The following RADIL variants were observed in gnomAD, a reference collection of about 807,000 sequenced individuals.
The protein encoded by RADIL is ras-associating and dilute domain-containing protein.
A neutral mutation model predicts 97.6 loss-of-function variants in RADIL; 99 were observed. That is an observed-to-expected ratio of 1.01 (90% CI 0.86 to 1.20). RADIL has a LOEUF of 1.20. Ranked by LOEUF, RADIL falls within the 50% of genes most tolerant of loss-of-function variation. RADIL has a pLI of 0.00. For missense variants in RADIL, 1,765 were observed against 1,498.9 expected, an observed-to-expected ratio of 1.18 and a Z score of -2.93; for synonymous variants, 803 against 691.8, an observed-to-expected ratio of 1.16 and a Z score of -2.52.
chr7:4,860,455 A>C, intron 2 of RADIL: 1 of 1,614,204 alleles, frequency 6.2e-7, no homozygotes, highest in South Asian at 1.1e-5. Flanking sequence ...CAATGCTGAG[A>C]ATTTCAGAAT....
chr7:4,832,234 C>G, intron 4 of RADIL, 56 bp from the exon 5 acceptor site: 1 of 1,533,370 alleles, frequency 6.5e-7, no homozygotes, highest in Non-Finnish European at 8.8e-7. Flanking sequence ...AACACAGGGA[C>G]GCGTTCAAAT....
chr7:4,833,953 G>A (rs997225140), intron 4 of RADIL, among the ~76,000 whole-genome samples: 13 of 152,258 alleles, frequency 8.5e-5, no homozygotes, highest in Admixed American at 3.9e-4. Context: ...GAGGGTGACC[G>A]GCATCTAGGG....
At position 4,817,108 on chromosome 7, in the gene RADIL, T is replaced by A; in HGVS notation, c.1728+131A>T. On this transcript the variant is annotated intron_variant, in intron 7 of 14. Transcript: ENST00000399583. The surrounding 1 kb of genome is among the most constrained non-coding windows in gnomAD (Gnocchi z 8.3). ...AGAACCTGCAGCCACTGCTCCCTGA[T>A]GAAGTGGAGCTTGTCACGGTCCCCT... is the stretch of plus-strand genomic sequence containing the variant. The A allele has an allele frequency of 1.4e-6, 1 of 735,918 alleles. No homozygotes were observed. The highest frequency in any genetic ancestry group is 1.8e-5 in the South Asian group (1 of 55,880). The allele number at this position is 735,918 out of a possible 1,614,324, so 45.6% of individuals were successfully genotyped here.
rs1172782606 is a variant in RADIL at position 4,817,548 on chromosome 7, G to A, written c.1616-197C>T. 6.6e-6 allele frequency among the ~76,000 whole-genome samples: 1 copy of A among 152,122 alleles called. No homozygotes were observed. The highest frequency in any genetic ancestry group is 1.5e-5 in the Non-Finnish European group (1 of 68,016). ...AGCAAACCTGCCGCCACTCTTACCTGGGGAGGGGAATGCCGGGAGGGGCAG... is the reference window on the plus strand; with the variant it reads ...AGCAAACCTGCCGCCACTCTTACCTAGGGAGGGGAATGCCGGGAGGGGCAG... On this transcript the variant is annotated intron_variant, in intron 6 of 14. Transcript: ENST00000399583. This position sits in a 1 kb window ranked among gnomAD's most constrained non-coding sequence, Gnocchi z 8.3.
chr7:4,874,140 C>T (rs1307429168), intron 2 of RADIL, among the ~76,000 whole-genome samples: 1 of 152,244 alleles, frequency 6.6e-6, no homozygotes, highest in Admixed American at 6.5e-5. Context: ...GCCTCCAACC[C>T]ACGGAAAGGC....
chr7:4,863,049 C>T (rs1231299838), intron 2 of RADIL, among the ~76,000 whole-genome samples: 1 of 152,166 alleles, frequency 6.6e-6, no homozygotes, highest in East Asian at 1.9e-4. Flanking sequence ...CCACTTGTCT[C>T]CTGATTCTCT....
chr7:4,832,072 TCC>T, intron 5 of RADIL, 67 bp downstream of exon 5: 1 of 1,553,744 alleles, frequency 6.4e-7, no homozygotes, highest in Non-Finnish European at 8.8e-7. Flanking sequence ...GGGACTTGGC[TCC>T]CCCGGGAAGT....
chr7:4,878,170 GGGCTTCA>G lies in RADIL; in HGVS notation c.-38_-32del. 4.0e-6 allele frequency: 6 copies of G among 1,497,000 alleles called. No homozygotes were observed. Among genetic ancestry groups the G allele is most frequent in the Non-Finnish European group, 5.3e-6 (6 of 1,123,670 alleles). 92.7% of individuals were successfully genotyped at this position (1,497,000 alleles called of 1,614,324 possible). Reference sequence around the variant, plus strand: ...GTGAGGCTTCATGGATGAGGACTGTGGGCTTCAGCCAAAGGATGTGGGGAGGCCGTGA... The same window carrying G: ...GTGAGGCTTCATGGATGAGGACTGTGGCCAAAGGATGTGGGGAGGCCGTGA... On this transcript the variant is annotated 5_prime_UTR_variant, in exon 2 of 15. Coordinates refer to ENST00000399583, the MANE Select transcript of RADIL (RefSeq NM_018059.5). This position sits in a 1 kb window ranked among gnomAD's most constrained non-coding sequence, Gnocchi z 4.1.
At position 4,855,596 on chromosome 7, in the gene RADIL, C is replaced by T. The variant is rs1012801705; in HGVS notation, c.536-18991G>A. Reference sequence around the variant, plus strand: ...GCTCCTCATCCTCACCATACCTAGACACTGTTAGACTTTTTTATTTTTGTA... The same window carrying T: ...GCTCCTCATCCTCACCATACCTAGATACTGTTAGACTTTTTTATTTTTGTA... On this transcript the variant is annotated intron_variant, in intron 2 of 14. Transcript: ENST00000399583. 2.3e-5 allele frequency among the ~76,000 whole-genome samples: 3 copies of T among 130,250 alleles called. No homozygotes were observed. The Admixed American group carries it at 2.8e-4, about 12-fold the overall frequency. The allele number at this position is 130,250 out of a possible 152,430, so 85.4% of individuals were successfully genotyped here.
In RADIL at chr7:4,880,596, G is replaced by A. The variant is rs984316417; in HGVS notation, c.-64-2393C>T. Among the ~76,000 whole-genome samples, 1 of 152,194 alleles carries A rather than the reference G, an allele frequency of 6.6e-6. No individual in the cohort carries two copies. Among genetic ancestry groups the A allele is most frequent in the Non-Finnish European group, 1.5e-5 (1 of 68,042 alleles). On this transcript the variant is annotated intron_variant, in intron 1 of 14. Transcript: ENST00000399583. This position sits in a 1 kb window ranked among gnomAD's most constrained non-coding sequence, Gnocchi z 4.5. ...GATGCCCCAGGCTTAGAAGCCTCCA[G>A]GCAGCACACACTGGCAGAGGGTCGG...
At position 4,806,201 on chromosome 7, in the gene RADIL, G is replaced by A. The variant is rs76908146; in HGVS notation, c.2140-485C>T. 1.6e-3 allele frequency among the ~76,000 whole-genome samples: 244 copies of A among 152,358 alleles called. 5 individuals carry two copies. The East Asian group carries it at 0.04, about 25-fold the overall frequency. On this transcript the variant is annotated intron_variant, in intron 9 of 14. Coordinates refer to ENST00000399583, the MANE Select transcript of RADIL (RefSeq NM_018059.5). ...GTCTCATGCTGTCACGCAGGTTGGG[G>A]TGCAGTGGCTCAATCACAGCTCACC...
rs554092924 is a variant in RADIL at position 4,836,683 on chromosome 7, A to T, written c.536-78T>A. ...CTGGGCGCGGTGGCTCACCCCTGTA[A>T]TCCCAGCACTTTGGGAGGCCGAGGT... On this transcript the variant is annotated intron_variant, in intron 2 of 14. Coordinates refer to ENST00000399583, the MANE Select transcript of RADIL (RefSeq NM_018059.5). The T allele has an allele frequency of 2.5e-6, 4 of 1,569,192 alleles. No individual in the cohort carries two copies. In the African/African-American group the frequency reaches 5.4e-5, roughly 21 times the overall value.
At chr7:4,859,886 C>G (rs375499234) in intron 2 of RADIL, 1 of 1,551,596 alleles carries the variant, frequency 6.4e-7, no homozygotes, top group Non-Finnish European at 8.9e-7. Flanking sequence ...AGAATATCCT[C>G]TAGACTCCAA....
chr7:4,804,123 TC>T (rs1257997088), intron 10 of RADIL: 1 of 321,964 alleles, frequency 3.1e-6, no homozygotes, highest in Non-Finnish European at 6.2e-6. Context: ...GGACGCAAGC[TC>T]CTCCCAGGGC....
chr7:4,846,336 G>A (rs540543375), intron 2 of RADIL, among the ~76,000 whole-genome samples: 18 of 151,762 alleles, frequency 1.2e-4, no homozygotes, highest in South Asian at 2.1e-4. Flanking sequence ...TAGGAGAGAC[G>A]GGGTTTCACC....
chr7:4,801,583 G>T, intron 12 of RADIL, 70 bp downstream of exon 12: 1 of 1,481,740 alleles, frequency 6.7e-7, no homozygotes, highest in South Asian at 1.2e-5. Flanking sequence ...AACGATCCCA[G>T]GGGACCGGCC....
rs956659253 is a variant in RADIL at position 4,809,047 on chromosome 7, C to T, written c.2140-3331G>A. The stretch of plus-strand genomic sequence containing the variant: ...CCTTGTCCCCTTCCGACGCCACTGC[C>T]CCCCCGTTCCAATGCCACTGCCCCT... On this transcript the variant is annotated intron_variant, in intron 9 of 14. Coordinates refer to ENST00000399583, the MANE Select transcript of RADIL (RefSeq NM_018059.5). The T allele has an allele frequency of 2.4e-5, 22 of 912,258 alleles. No homozygotes were observed. The East Asian group carries it at 5.9e-4, about 24-fold the overall frequency. 56.5% of individuals were successfully genotyped at this position (912,258 alleles called of 1,614,324 possible).
At chr7:4,874,047 G>A (rs896026010) in intron 2 of RADIL, among the ~76,000 whole-genome samples, 3 of 152,230 alleles carry the variant, frequency 2.0e-5, no homozygotes, top group African/African-American at 7.2e-5. Flanking sequence ...CACAGCAAAG[G>A]CTCAGTGCCC....
chr7:4,829,513 G>A (rs532803294), intron 5 of RADIL, among the ~76,000 whole-genome samples: 6 of 152,168 alleles, frequency 3.9e-5, no homozygotes, highest in Admixed American at 3.9e-4. Context: ...ACATCAGCAG[G>A]CACATATGGC....
Sources: gnomAD v4.1 joint callset for allele counts (sites outside exome capture counted in the v4.1 genomes callset) on GRCh38, gnomAD v4.1.1 for gene constraint, Gnocchi (gnomAD v3.1) non-coding constraint, MANE v1.5 for transcripts, NCBI Gene and HGNC (gene_info 2026-07-23, HGNC 2026-07-21) for gene names.